The following FAM13B variants were observed in gnomAD, a reference collection of about 807,000 sequenced individuals.
The protein encoded by FAM13B is family with sequence similarity 13 member B.
In FAM13B, 60 loss-of-function variants were observed where a neutral mutation model predicts 117.3. The observed-to-expected ratio is 0.51, with a 90% CI of 0.42 to 0.63. FAM13B has a LOEUF of 0.63. Among genes scored for constraint, FAM13B ranks in the 30% least tolerant of loss-of-function variants. The pLI is 0.00. For missense variants in FAM13B, 972 were observed against 1,091.9 expected, an observed-to-expected ratio of 0.89 and a Z score of 1.55; for synonymous variants, 332 against 356.1, an observed-to-expected ratio of 0.93 and a Z score of 0.76.
intron 10 of FAM13B, among the ~76,000 whole-genome samples, chr5:137,981,806 G>A (rs1003391187): frequency 6.6e-5 from 10 of 151,870 alleles, no homozygotes; most frequent in African/African-American, 9.7e-5. Context: ...AAAAAAGTGC[G>A]GCGGAATGCG....
chr5:138,035,651 A>G (rs1791085042), upstream of FAM13B, among the ~76,000 whole-genome samples: 1 of 152,166 alleles, frequency 6.6e-6, no homozygotes, highest in African/African-American at 2.4e-5. Context: ...ATTGAGTCAC[A>G]AAGAGTGAAA....
chr5:138,018,223 T>A, intron 4 of FAM13B, 79 bp downstream of exon 4: 4 of 1,139,110 alleles, frequency 3.5e-6, no homozygotes, highest in Non-Finnish European at 5.2e-6. Flanking sequence ...ACTTACTGTT[T>A]ACATGTCAAG....
At chr5:137,974,437 C>T (rs1581142585) in intron 10 of FAM13B, among the ~76,000 whole-genome samples, 1 of 115,402 alleles carries the variant, frequency 8.7e-6, no homozygotes, top group Non-Finnish European at 1.7e-5. Flanking sequence ...GGAAGGGGAA[C>T]ATCACACTCT....
chr5:137,950,996 C>T (rs1348093924), intron 17 of FAM13B, among the ~76,000 whole-genome samples: 1 of 151,952 alleles, frequency 6.6e-6, no homozygotes, highest in Non-Finnish European at 1.5e-5. Context: ...GGCTTGAGCC[C>T]AGGAGTTTTG....
In FAM13B at chr5:137,979,998, CT is replaced by C. The variant is rs1415863094; in HGVS notation, c.1179+5258del. 5.4e-3 allele frequency among the ~76,000 whole-genome samples: 242 copies of C among 44,478 alleles called. 1 individual carries two copies. Among genetic ancestry groups the C allele is most frequent in the South Asian group, 0.034 (27 of 800 alleles). The allele number at this position is 44,478 out of a possible 152,430, so 29.2% of individuals were successfully genotyped here. On this transcript the variant is annotated intron_variant, in intron 10 of 23. Transcript: ENST00000689681. ...TCAATAAGGAGAAATCCTGTCTCTA[CT>C]AAAAAAAAAAAAAAAAAAAAAAAAT... is the stretch of plus-strand genomic sequence containing the variant.
intron 1 of FAM13B, among the ~76,000 whole-genome samples, chr5:138,031,554 G>A (rs1225141174): frequency 1.3e-5 from 2 of 151,840 alleles, no homozygotes; most frequent in East Asian, 1.9e-4. Context: ...GCGTGGTGGC[G>A]GGCGCCTGTA....
At chr5:137,980,329 G>C (rs1775340385) in intron 10 of FAM13B, among the ~76,000 whole-genome samples, 1 of 152,022 alleles carries the variant, frequency 6.6e-6, no homozygotes, top group African/African-American at 2.4e-5. Context: ...GGGAAGAAAT[G>C]GTGACAGGTT....
chr5:137,973,213 A>G (rs1388083074), intron 10 of FAM13B, among the ~76,000 whole-genome samples: 1 of 152,194 alleles, frequency 6.6e-6, no homozygotes, highest in Non-Finnish European at 1.5e-5. Flanking sequence ...AAACTATACT[A>G]TAAGGCTACA....
At chr5:137,961,755 C>T (rs920898161) in intron 11 of FAM13B, among the ~76,000 whole-genome samples, 19 of 152,164 alleles carry the variant, frequency 1.2e-4, no homozygotes, top group Non-Finnish European at 2.2e-4. Context: ...AATCACCTTC[C>T]TAAGAAAGTT....
intron 22 of FAM13B, chr5:137,942,665 A>AT (rs962594449): frequency 2.9e-4 from 151 of 520,398 alleles, no homozygotes; most frequent in East Asian, 4.3e-4. Context: ...GCCTGGCTAG[A>AT]TTTTTTTTTA....
chr5:137,952,555 T>A (rs1765326986), intron 17 of FAM13B, 73 bp downstream of exon 17: 2 of 922,448 alleles, frequency 2.2e-6, no homozygotes, highest in African/African-American at 3.4e-5. Context: ...AAAAGTTGTA[T>A]TTGTGATTCT....
intron 19 of FAM13B, 47 bp downstream of exon 19, chr5:137,946,181 C>T (rs1763373482): frequency 6.6e-7 from 1 of 1,504,352 alleles, no homozygotes; most frequent in African/African-American, 1.4e-5. Context: ...GATTCATGTT[C>T]TTTTTTAAGA....
In FAM13B at chr5:138,019,022, C is replaced by T; in HGVS notation, c.90G>A (p.Gln30=). 1 of 1,614,138 alleles carries T rather than the reference C, an allele frequency of 6.2e-7. No homozygotes were observed. Residue 30 remains glutamine (Q), a synonymous_variant, in exon 3 of 24, where the codon CAG becomes CAA. Coordinates refer to ENST00000689681, the MANE Select transcript of FAM13B (RefSeq NM_001385994.1). ...GAACCTCATTGTCTGGATGTCCTCC[C>T]TGCTGCAGCTCATCAAGTGGAATTC... ...IFGIPLDELQ[Q]GGHPDNEVPF... is the part of the protein sequence containing the mutation.
At chr5:138,018,927 C>A in intron 3 of FAM13B, 28 bp downstream of exon 3, 1 of 1,554,882 alleles carries the variant, frequency 6.4e-7, no homozygotes, top group Non-Finnish European at 8.7e-7. Flanking sequence ...AAAACAAAAG[C>A]TAGCCCTCAA....
chr5:138,012,892 T>G (rs1342945160), intron 4 of FAM13B, among the ~76,000 whole-genome samples: 2 of 151,894 alleles, frequency 1.3e-5, no homozygotes, highest in Admixed American at 1.3e-4. Flanking sequence ...AGGACTCCAG[T>G]ACTATGTTGA....
rs1561543915 is a variant in FAM13B, at chr5:138,025,304, TA to T, written c.-202-4108del. ...AAACAAAGCCATATATATATATATA[TA>T]TATATGTATTTTTTTTTTTTTTTTT... On this transcript the variant is annotated intron_variant, in intron 1 of 23. Coordinates refer to ENST00000689681, the MANE Select transcript of FAM13B (RefSeq NM_001385994.1). 2.9e-4 allele frequency among the ~76,000 whole-genome samples: 36 copies of T among 124,652 alleles called. 4 individuals carry two copies. Among genetic ancestry groups the T allele is most frequent in the Middle Eastern group, 4.0e-3 (1 of 248 alleles). 81.8% of individuals were successfully genotyped at this position (124,652 alleles called of 152,430 possible). A position where few individuals can be genotyped will look rare whatever the true frequency, so the allele number is the denominator to read the frequency against.
chr5:137,950,081 A>C (rs746936407), intron 17 of FAM13B, among the ~76,000 whole-genome samples: 4 of 152,246 alleles, frequency 2.6e-5, no homozygotes, highest in Admixed American at 1.3e-4. Context: ...AAGAAAACAA[A>C]ACAGACATGG....
rs1761120924 is a variant in FAM13B at position 137,939,828 on chromosome 5, C to T, written c.*397G>A. 1 of 1,267,332 alleles carries T rather than the reference C, an allele frequency of 7.9e-7. No individual in the cohort carries two copies. Among genetic ancestry groups the T allele is most frequent in the South Asian group, 2.6e-5 (1 of 39,212 alleles). 78.5% of individuals were successfully genotyped at this position (1,267,332 alleles called of 1,614,324 possible). A position where few individuals can be genotyped will look rare whatever the true frequency, so the allele number is the denominator to read the frequency against. On this transcript the variant is annotated 3_prime_UTR_variant, in exon 24 of 24. Coordinates refer to ENST00000689681, the MANE Select transcript of FAM13B (RefSeq NM_001385994.1). ...GTAAGAAAAAGGCAACAGAAGAATT[C>T]AGTATGAAGATTTTCCTCCAATTTT... is the stretch of plus-strand genomic sequence containing the variant.
At chr5:138,016,844 G>C (rs1473089595) in intron 4 of FAM13B, among the ~76,000 whole-genome samples, 3 of 152,068 alleles carry the variant, frequency 2.0e-5, no homozygotes, top group Non-Finnish European at 2.9e-5. Context: ...CTAACAGAGG[G>C]AACATGGAAA....
Sources: allele counts gnomAD v4.1 joint callset (sites outside exome capture counted in the v4.1 genomes callset), GRCh38; gene constraint gnomAD v4.1.1; transcripts MANE v1.5; gene names NCBI Gene and HGNC (gene_info 2026-07-23, HGNC 2026-07-21).